Variants in NAV3 observed in about 807,000 individuals in gnomAD.
The protein encoded by NAV3 is neuron navigator 3.
A neutral mutation model predicts 244.7 loss-of-function variants in NAV3; 87 were observed. The ratio of observed to expected loss-of-function variants is 0.36; its 90% CI spans 0.30 to 0.42. The LOEUF (loss-of-function observed/expected upper bound fraction) is 0.42, where lower values mean the gene tolerates loss of function less well. NAV3 is among the 20% of genes least tolerant of loss of function. NAV3 has a pLI of 1.00. For synonymous variants in NAV3, 1,126 were observed against 1,042.2 expected (o/e 1.08, Z -1.55); for missense variants, 2,663 against 2,893.3 (o/e 0.92, Z 1.83).
chr12:77,994,644 TACA>T (rs1224336435), intron 5 of NAV3, among the ~76,000 whole-genome samples, 156 bp from the exon 6 acceptor site: 2 of 152,218 alleles, frequency 1.3e-5, no homozygotes, highest in Admixed American at 6.5e-5. Context: ...ATGTTGGACA[TACA>T]ACATTACCAT....
At chr12:77,726,845 T>A (rs1592623385) in intron 2 of NAV3, among the ~76,000 whole-genome samples, 1 of 151,848 alleles carries the variant, frequency 6.6e-6, no homozygotes, top group African/African-American at 2.4e-5. Flanking sequence ...CTGGCAGGGG[T>A]TTGGTGATAA....
At chr12:78,128,298 T>C (rs1443222338) in intron 17 of NAV3, among the ~76,000 whole-genome samples, 2 of 151,156 alleles carry the variant, frequency 1.3e-5, no homozygotes, top group African/African-American at 2.4e-5. Context: ...GCTGCCAATA[T>C]GTATTCCATT....
intron 2 of NAV3, among the ~76,000 whole-genome samples, chr12:77,689,203 G>A (rs1005362133): frequency 1.3e-5 from 2 of 151,874 alleles, no homozygotes; most frequent in Non-Finnish European, 2.9e-5. Context: ...AGCAAAATAT[G>A]TTATTCTCAT....
chr12:77,956,674 G>C (rs548952472), intron 3 of NAV3, among the ~76,000 whole-genome samples: 1 of 152,178 alleles, frequency 6.6e-6, no homozygotes, highest in East Asian at 1.9e-4. Flanking sequence ...GCTCTGGTTG[G>C]TATGCCCTGT....
At position 77,684,089 on chromosome 12, in the gene NAV3, G is replaced by C. The variant is rs189363936; in HGVS notation, c.72+111823G>C. Among the ~76,000 whole-genome samples the C allele has an allele frequency of 1.2e-4, 19 of 152,274 alleles. No individual in the cohort carries two copies. The East Asian group carries it at 3.7e-3, about 29-fold the overall frequency. ...GAGTGATCCCAGTGATCTGCATTCA[G>C]ACCTGCATTAGGCATTATTACTGTT... On this transcript the variant is annotated intron_variant, in intron 2 of 8. Coordinates refer to the NAV3 transcript ENST00000550042.
intron 2 of NAV3, among the ~76,000 whole-genome samples, chr12:77,608,872 A>G (rs1009816676): frequency 6.6e-6 from 1 of 152,054 alleles, no homozygotes; most frequent in African/African-American, 2.4e-5. Flanking sequence ...AGGCATTTGT[A>G]TGACCTCCAT....
At chr12:77,887,438 C>T (rs10777541) in intron 1 of NAV3, among the ~76,000 whole-genome samples, 89,418 of 151,840 alleles carry the variant, frequency 0.59, 26,506 homozygotes, top group East Asian at 0.7. Context: ...AGGGAAAGAT[C>T]GTGACAATAT....
intron 3 of NAV3, among the ~76,000 whole-genome samples, chr12:77,949,698 AT>A (rs988820583): frequency 2.0e-5 from 3 of 152,124 alleles, no homozygotes; most frequent in African/African-American, 7.2e-5. Context: ...ATATTGAAAC[AT>A]CAGTATCACC....
chr12:77,640,936 C>G (rs1872383012), intron 2 of NAV3, among the ~76,000 whole-genome samples: 1 of 152,148 alleles, frequency 6.6e-6, no homozygotes, highest in African/African-American at 2.4e-5. Context: ...TGGGCTGATA[C>G]AAAGTTGTTT....
rs767508966 is a variant in NAV3 at position 78,119,656 on chromosome 12, G to A, written c.3460G>A (p.Gly1154Ser). 11 of 1,614,034 alleles carry A rather than the reference G, an allele frequency of 6.8e-6. No individual in the cohort carries two copies. The highest frequency in any genetic ancestry group is 7.6e-6 in the Non-Finnish European group (9 of 1,180,038). Residue 1154 changes from glycine to serine, a missense_variant, in exon 15 of 40, where the codon GGC (glycine) becomes AGC (serine). This residue lies in a region of NAV3 where 1,521 missense variants were observed against 1,497.0 expected (regional missense o/e 1.02). Transcript: ENST00000397909. ...CACCAGTGGCATTCCTGGCCGAGGA[G>A]GCCACAGATCCAGTACCAGCAGTAT... ...SSTSGIPGRG[G>S]HRSSTSSIDS...
At chr12:77,862,303 T>G (rs1396823892) in intron 1 of NAV3, among the ~76,000 whole-genome samples, 1 of 151,834 alleles carries the variant, frequency 6.6e-6, no homozygotes, top group Non-Finnish European at 1.5e-5. Flanking sequence ...GGAAGTTTGG[T>G]GTGACGTTTT....
At chr12:77,926,041 A>C (rs141518476) in intron 1 of NAV3, among the ~76,000 whole-genome samples, 1 of 152,128 alleles carries the variant, frequency 6.6e-6, no homozygotes, top group African/African-American at 2.4e-5. Context: ...TTTTTCCTGG[A>C]AATTTCTCTA....
chr12:77,758,491 A>G (rs1360250586), intron 2 of NAV3, among the ~76,000 whole-genome samples: 2 of 152,174 alleles, frequency 1.3e-5, no homozygotes, highest in Non-Finnish European at 2.9e-5. Flanking sequence ...CAGGGGCCCC[A>G]TATCTTCTTT....
At chr12:78,071,505 G>T (rs1208019371) in intron 12 of NAV3, among the ~76,000 whole-genome samples, 2 of 151,964 alleles carry the variant, frequency 1.3e-5, no homozygotes, top group Non-Finnish European at 1.5e-5. Flanking sequence ...TTTGTAGGTT[G>T]CCTGTTCACT....
In NAV3 at chr12:77,712,345, T is replaced by G. The variant is rs1876160239; in HGVS notation, c.72+140079T>G. On this transcript the variant is annotated intron_variant, in intron 2 of 8. Transcript: ENST00000550042. ...ATATTATTTTTCCTTCATAAATTTA[T>G]TCTCCTTGTGAGAATATACACTGTT... is the stretch of plus-strand genomic sequence containing the variant. Among the ~76,000 whole-genome samples, 4 of 152,318 alleles carry G rather than the reference T, an allele frequency of 2.6e-5. No homozygotes were observed. In the South Asian group the frequency reaches 8.3e-4, roughly 32 times the overall value.
At chr12:78,056,290 GCTTATGCAGTGTGCC>G (rs1218090518) in intron 11 of NAV3, 12 of 152,196 alleles carry the variant, frequency 7.9e-5, no homozygotes, top group African/African-American at 2.2e-4. Context: ...TTGCTCATCA[GCTTATGCAGTGTGCC>G]CTTGTTGGCT....
chr12:78,137,012 G>A (rs1956401487), intron 18 of NAV3, among the ~76,000 whole-genome samples, 165 bp from the exon 19 acceptor site: 1 of 152,022 alleles, frequency 6.6e-6, no homozygotes, highest in Non-Finnish European at 1.5e-5. Context: ...GGACGCAATG[G>A]GATCTGTTAT....
intron 2 of NAV3, among the ~76,000 whole-genome samples, chr12:77,632,436 G>A (rs942005975): frequency 2.0e-5 from 3 of 152,116 alleles, no homozygotes; most frequent in African/African-American, 7.2e-5. Flanking sequence ...CGTGGATGGC[G>A]GCAGGCAAAG....
At chr12:77,739,537 T>C (rs1351566051) in intron 2 of NAV3, among the ~76,000 whole-genome samples, 1 of 152,124 alleles carries the variant, frequency 6.6e-6, no homozygotes, top group African/African-American at 2.4e-5. Context: ...GACTGAACAT[T>C]AATGTCATAT....
Sources: allele counts gnomAD v4.1 joint callset (sites outside exome capture counted in the v4.1 genomes callset), GRCh38; gene constraint gnomAD v4.1.1; regional missense constraint gnomAD v4.1.1; transcripts MANE v1.5; gene names NCBI Gene and HGNC (gene_info 2026-07-23, HGNC 2026-07-21).